Variants in DPP10 observed in about 807,000 individuals in gnomAD.
DPP10 encodes dipeptidyl peptidase like 10, also known as inactive dipeptidyl peptidase 10.
A neutral mutation model predicts 120.9 loss-of-function variants in DPP10; 33 were observed. The observed-to-expected ratio is 0.27, with a 90% CI of 0.21 to 0.37. DPP10 has a LOEUF of 0.37. Among genes scored for constraint, DPP10 ranks in the 10% least tolerant of loss-of-function variants. The probability of loss-of-function intolerance (pLI) is 1.00; values close to 1 mark genes in which losing one functional copy is unlikely to be tolerated. For missense variants in DPP10, 816 were observed against 942.8 expected, an observed-to-expected ratio of 0.87 and a Z score of 1.76; for synonymous variants, 337 against 326.1, an observed-to-expected ratio of 1.03 and a Z score of -0.36.
chr2:115,654,388 G>A (rs1369867969), intron 5 of DPP10, among the ~76,000 whole-genome samples: 1 of 151,672 alleles, frequency 6.6e-6, no homozygotes, highest in Non-Finnish European at 1.5e-5. Flanking sequence ...TTAAAATACT[G>A]GAATGTCAAT....
chr2:114,588,371 G>T (rs1020129915), intron 1 of DPP10, among the ~76,000 whole-genome samples: 2 of 152,222 alleles, frequency 1.3e-5, no homozygotes, highest in African/African-American at 2.4e-5. Flanking sequence ...GAATGTTCAT[G>T]AAGAAATTTT....
chr2:114,524,808 C>G (rs182629261), intron 1 of DPP10, among the ~76,000 whole-genome samples: 65 of 152,306 alleles, frequency 4.3e-4, no homozygotes, highest in African/African-American at 1.4e-3. Flanking sequence ...CATCCTACCC[C>G]TACCTCCTGT....
intron 1 of DPP10, among the ~76,000 whole-genome samples, chr2:115,214,378 C>A (rs562730444): frequency 6.6e-6 from 1 of 152,128 alleles, no homozygotes. Flanking sequence ...ACTTCATTTC[C>A]AAGTCTAAGC....
intron 1 of DPP10, among the ~76,000 whole-genome samples, chr2:115,050,595 C>T (rs937988622): frequency 6.6e-6 from 1 of 152,086 alleles, no homozygotes; most frequent in Non-Finnish European, 1.5e-5. Context: ...GGATGAAAGG[C>T]TGGAGATTGA....
intron 5 of DPP10, among the ~76,000 whole-genome samples, chr2:115,639,458 A>G (rs891850912): frequency 6.6e-6 from 1 of 152,182 alleles, no homozygotes; most frequent in Admixed American, 6.5e-5. Context: ...CAGGAGTAAC[A>G]GGAAACGAAG....
At chr2:114,901,480 G>T (rs1257931512) in intron 1 of DPP10, among the ~76,000 whole-genome samples, 2 of 152,178 alleles carry the variant, frequency 1.3e-5, no homozygotes, top group African/African-American at 4.8e-5. Context: ...ACGGGAGTGA[G>T]CCACCGCGCC....
At chr2:115,136,208 A>G (rs2050644710) in intron 1 of DPP10, among the ~76,000 whole-genome samples, 1 of 152,148 alleles carries the variant, frequency 6.6e-6, no homozygotes, top group African/African-American at 2.4e-5. Context: ...GTGCAGCAGT[A>G]GCCCTGAGGA....
intron 1 of DPP10, among the ~76,000 whole-genome samples, chr2:114,466,412 A>T (rs1314854683): frequency 6.6e-6 from 1 of 152,194 alleles, no homozygotes; most frequent in Non-Finnish European, 1.5e-5. Context: ...GAAAGGATGG[A>T]CCATAGCAAA....
chr2:114,549,220 G>A (rs893585767), intron 1 of DPP10, among the ~76,000 whole-genome samples: 4 of 151,696 alleles, frequency 2.6e-5, no homozygotes, highest in African/African-American at 7.3e-5. Flanking sequence ...TCTCGGTGTC[G>A]TATGACCCAG....
rs144235454 is a variant in DPP10, at chr2:115,589,504, C to A, written c.441+63532C>A. 2.6e-3 allele frequency among the ~76,000 whole-genome samples: 398 copies of A among 152,058 alleles called. 2 individuals are homozygous for A. Among genetic ancestry groups the A allele is most frequent in the African/African-American group, 9.2e-3 (382 of 41,424 alleles). On this transcript the variant is annotated intron_variant, in intron 5 of 25. Transcript: ENST00000410059. ...CCTTCCTACTTTCCGTCAATAACGTCAATTGATGTAGAGAGGATTTTTTAC... is the reference window on the plus strand; with the variant it reads ...CCTTCCTACTTTCCGTCAATAACGTAAATTGATGTAGAGAGGATTTTTTAC...
At chr2:114,496,203 G>T (rs1235544820) in intron 1 of DPP10, among the ~76,000 whole-genome samples, 3 of 152,090 alleles carry the variant, frequency 2.0e-5, no homozygotes, top group Non-Finnish European at 2.9e-5. Context: ...TTCTTAGGAT[G>T]AAGAAACCTG....
intron 1 of DPP10, among the ~76,000 whole-genome samples, chr2:114,581,785 A>G (rs1387660564): frequency 1.3e-5 from 2 of 152,182 alleles, no homozygotes; most frequent in African/African-American, 4.8e-5. Flanking sequence ...TAATCTACCC[A>G]ATTTAAAACT....
intron 1 of DPP10, among the ~76,000 whole-genome samples, chr2:114,987,413 A>AT (rs1173265565): frequency 2.0e-5 from 3 of 151,914 alleles, no homozygotes; most frequent in Non-Finnish European, 2.9e-5. Context: ...CTTTTGAGGG[A>AT]TTTTTTTCTA....
At chr2:115,718,744 C>T (rs1036536009) in intron 7 of DPP10, among the ~76,000 whole-genome samples, 1 of 151,958 alleles carries the variant, frequency 6.6e-6, no homozygotes, top group African/African-American at 2.4e-5. Flanking sequence ...CAAGGCTCAG[C>T]ACAGGGCCTA....
chr2:115,112,078 A>C (rs2049253437), intron 1 of DPP10, among the ~76,000 whole-genome samples: 1 of 152,196 alleles, frequency 6.6e-6, no homozygotes, highest in African/African-American at 2.4e-5. Flanking sequence ...TTTAATAAGA[A>C]GATGTGCCTT....
intron 1 of DPP10, among the ~76,000 whole-genome samples, chr2:114,496,779 A>G (rs1682556885): frequency 6.6e-6 from 1 of 152,042 alleles, no homozygotes; most frequent in African/African-American, 2.4e-5. Context: ...GGAACACTCA[A>G]TGAGACGCAG....
chr2:115,181,125 C>T (rs1209498384), intron 1 of DPP10, among the ~76,000 whole-genome samples: 1 of 152,244 alleles, frequency 6.6e-6, no homozygotes, highest in African/African-American at 2.4e-5. Flanking sequence ...TCTTTTTATC[C>T]TGGAGATTAA....
chr2:115,656,144 AC>A (rs2088309319), intron 5 of DPP10, among the ~76,000 whole-genome samples: 1 of 143,564 alleles, frequency 7.0e-6, no homozygotes, highest in African/African-American at 2.9e-5. Context: ...ACACACACAC[AC>A]ACACACACAC....
chr2:115,069,035 C>T (rs1457163372), intron 1 of DPP10, among the ~76,000 whole-genome samples: 1 of 152,032 alleles, frequency 6.6e-6, no homozygotes, highest in East Asian at 1.9e-4. Flanking sequence ...TTACTTTTGA[C>T]TGTTTGGAAC....
Sources: allele counts gnomAD v4.1 joint callset (sites outside exome capture counted in the v4.1 genomes callset), GRCh38; gene constraint gnomAD v4.1.1; transcripts MANE v1.5; gene names NCBI Gene and HGNC (gene_info 2026-07-23, HGNC 2026-07-21).